Variants in SORCS3 observed in about 807,000 individuals in gnomAD.
SORCS3 encodes VPS10 domain-containing receptor SorCS3.
Under a neutral mutation model 146.3 loss-of-function variants are expected in SORCS3, and 57 were observed. The observed-to-expected ratio is 0.39, with a 90% CI of 0.31 to 0.49. The LOEUF (loss-of-function observed/expected upper bound fraction) is 0.49, where lower values mean the gene tolerates loss of function less well. Ranked by LOEUF, SORCS3 falls within the 20% of genes least tolerant of loss-of-function variation. The pLI, the probability that SORCS3 is intolerant of heterozygous loss-of-function variation, is 0.92. For synonymous variants in SORCS3, 653 were observed against 618.5 expected (o/e 1.06, Z -0.83); for missense variants, 1,341 against 1,575.5 (o/e 0.85, Z 2.52).
At chr10:104,650,308 T>C (rs936367189) in intron 1 of SORCS3, among the ~76,000 whole-genome samples, 7 of 151,950 alleles carry the variant, frequency 4.6e-5, no homozygotes, top group African/African-American at 1.5e-4. Flanking sequence ...TGAAAATAAA[T>C]AGGATGAAAT....
intron 1 of SORCS3, among the ~76,000 whole-genome samples, chr10:104,720,071 AC>A (rs1247884766): frequency 6.6e-6 from 1 of 151,892 alleles, no homozygotes; most frequent in African/African-American, 2.4e-5. Flanking sequence ...GGTGTGCTGC[AC>A]CTGTTAACTC....
Position 105,245,682 on chromosome 10 carries a change from G to A in SORCS3, c.2992+17G>A, listed in dbSNP as rs2056861478. ...CAGTTCATGGTAAGCCCTGAAAATT[G>A]TTCTGTGATGCTCCTTCCCGCTCAG... On this transcript the variant is annotated intron_variant, in intron 21 of 26. Transcript: ENST00000369701. The A allele has an allele frequency of 6.2e-7, 1 of 1,613,174 alleles. No homozygotes were observed. The highest frequency in any genetic ancestry group is 8.5e-7 in the Non-Finnish European group (1 of 1,179,614).
intron 1 of SORCS3, among the ~76,000 whole-genome samples, chr10:104,778,893 G>T (rs2017342060): frequency 6.7e-6 from 1 of 148,310 alleles, no homozygotes; most frequent in Admixed American, 6.7e-5. Flanking sequence ...TGGCAAAAGG[G>T]ACTTCCTGTG....
chr10:104,755,153 T>C (rs2017035119), intron 1 of SORCS3, among the ~76,000 whole-genome samples: 1 of 152,200 alleles, frequency 6.6e-6, no homozygotes, highest in African/African-American at 2.4e-5. Context: ...AGGCAGAGGA[T>C]AGATTTTGTT....
At chr10:104,936,134 AAATT>A (rs2019257555) in intron 3 of SORCS3, among the ~76,000 whole-genome samples, 1 of 152,236 alleles carries the variant, frequency 6.6e-6, no homozygotes, top group Admixed American at 6.5e-5. Flanking sequence ...TTTTACCAGT[AAATT>A]AATCTATTAT....
chr10:104,955,015 T>C (rs2019471943), intron 3 of SORCS3, among the ~76,000 whole-genome samples: 1 of 152,200 alleles, frequency 6.6e-6, no homozygotes, highest in Non-Finnish European at 1.5e-5. Context: ...ATTAACTAAA[T>C]AACTAAATAA....
intron 13 of SORCS3, among the ~76,000 whole-genome samples, chr10:105,171,363 G>A (rs993422861): frequency 1.3e-5 from 2 of 152,184 alleles, no homozygotes; most frequent in Non-Finnish European, 2.9e-5. Flanking sequence ...AAGCATTAGA[G>A]TGAGATAAAC....
intron 6 of SORCS3, among the ~76,000 whole-genome samples, chr10:105,100,498 T>C (rs2055776721): frequency 6.6e-6 from 1 of 152,206 alleles, no homozygotes; most frequent in African/African-American, 2.4e-5. Context: ...TACATAAAAG[T>C]CCATGTGCAT....
At chr10:104,989,142 A>G (rs1039955452) in intron 4 of SORCS3, among the ~76,000 whole-genome samples, 2 of 152,248 alleles carry the variant, frequency 1.3e-5, no homozygotes, top group Non-Finnish European at 2.9e-5. Flanking sequence ...ATAATATATC[A>G]TTCATTAAAT....
chr10:104,809,382 ATG>A (rs2133517131), intron 1 of SORCS3, among the ~76,000 whole-genome samples: 1 of 152,288 alleles, frequency 6.6e-6, no homozygotes, highest in South Asian at 2.1e-4. Context: ...GAAGCCAGAC[ATG>A]TGTCTCATCC....
At chr10:105,005,057 C>A (rs963971336) in intron 4 of SORCS3, among the ~76,000 whole-genome samples, 1 of 152,216 alleles carries the variant, frequency 6.6e-6, no homozygotes, top group African/African-American at 2.4e-5. Flanking sequence ...TGACCAGTTA[C>A]TCAAACTTTC....
intron 1 of SORCS3, among the ~76,000 whole-genome samples, chr10:104,830,626 T>A (rs1273559948): frequency 6.6e-6 from 1 of 152,144 alleles, no homozygotes; most frequent in Non-Finnish European, 1.5e-5. Context: ...GCTGAACTAA[T>A]CTTGAAGAGA....
chr10:104,772,236 T>C (rs2017258050), intron 1 of SORCS3, among the ~76,000 whole-genome samples: 1 of 148,156 alleles, frequency 6.7e-6, no homozygotes, highest in South Asian at 2.1e-4. Flanking sequence ...CAGGGGATTG[T>C]GCAGCAGGGG....
At chr10:105,106,616 T>C (rs2055823600) in intron 7 of SORCS3, among the ~76,000 whole-genome samples, 1 of 152,196 alleles carries the variant, frequency 6.6e-6, no homozygotes, top group Non-Finnish European at 1.5e-5. Context: ...ATTTGTTGTA[T>C]TGAACTGATT....
In SORCS3 at chr10:104,881,773, G is replaced by A. The variant is rs184436179; in HGVS notation, c.696-34060G>A. ...GCAAAGCAAAAAGACTATGAAATGAGGTGTAACATCAGACTGCGATGCTAG... is the reference window on the plus strand; with the variant it reads ...GCAAAGCAAAAAGACTATGAAATGAAGTGTAACATCAGACTGCGATGCTAG... On this transcript the variant is annotated intron_variant, in intron 2 of 26. Transcript: ENST00000369701. 3.9e-5 allele frequency among the ~76,000 whole-genome samples: 6 copies of A among 152,278 alleles called. No homozygotes were observed. In the East Asian group the frequency reaches 7.7e-4, roughly 20 times the overall value.
chr10:105,010,290 C>T (rs141977556), intron 4 of SORCS3, among the ~76,000 whole-genome samples: 1 of 152,234 alleles, frequency 6.6e-6, no homozygotes, highest in Non-Finnish European at 1.5e-5. Context: ...CTCCCCTATA[C>T]TACTTTTGCA....
At chr10:104,924,180 C>T (rs1039183616) in intron 3 of SORCS3, among the ~76,000 whole-genome samples, 5 of 152,144 alleles carry the variant, frequency 3.3e-5, no homozygotes, top group African/African-American at 7.2e-5. Flanking sequence ...AAAGGGCTCT[C>T]GGAGACTGTG....
intron 2 of SORCS3, among the ~76,000 whole-genome samples, chr10:104,856,308 A>G (rs11192207): frequency 1.3e-5 from 2 of 150,964 alleles, no homozygotes. Context: ...TATATCATCA[A>G]TTAGAGGCAT....
chr10:105,245,547 C>G lies in SORCS3; in HGVS notation c.2874C>G (p.Leu958=). 6.2e-7 allele frequency: 1 copy of G among 1,614,098 alleles called. No homozygotes were observed. The highest frequency in any genetic ancestry group is 8.5e-7 in the Non-Finnish European group (1 of 1,180,004). The stretch of plus-strand genomic sequence containing the variant: ...ATTGTTACTTCTTCTTGTAGCCTCT[C>G]ATCACTTTGGACAGCAGCATTTCCT... ...FWWFGNSTKP[L]ITLDSSISFT... The change falls in exon 21 of 27, where the codon CTC becomes CTG. Residue 958 remains leucine, a synonymous_variant. Transcript: ENST00000369701.
Sources: gnomAD v4.1 joint callset for allele counts (sites outside exome capture counted in the v4.1 genomes callset) on GRCh38, gnomAD v4.1.1 for gene constraint, MANE v1.5 for transcripts, NCBI Gene and HGNC (gene_info 2026-07-23, HGNC 2026-07-21) for gene names.